DLG2: variants seen among roughly 807,000 people sequenced by gnomAD.
DLG2 encodes disks large homolog 2.
A neutral mutation model predicts 132.5 loss-of-function variants in DLG2; 45 were observed. That is an observed-to-expected ratio of 0.34 (90% CI 0.27 to 0.44). DLG2 has a LOEUF of 0.44. Among genes scored for constraint, DLG2 ranks in the 20% least tolerant of loss-of-function variants. The pLI, the probability that DLG2 is intolerant of heterozygous loss-of-function variation, is 1.00. For synonymous variants in DLG2, 424 were observed against 419.6 expected, an observed-to-expected ratio of 1.01 and a Z score of -0.13; for missense variants, 1,045 against 1,196.9, an observed-to-expected ratio of 0.87 and a Z score of 1.87.
At chr11:84,604,175 G>A (rs2099581474) in intron 6 of DLG2, among the ~76,000 whole-genome samples, 1 of 151,896 alleles carries the variant, frequency 6.6e-6, no homozygotes, top group African/African-American at 2.4e-5. Context: ...TAACTCCTGA[G>A]TCTGTGACCT....
At chr11:85,306,808 G>A (rs1219828974) in intron 3 of DLG2, among the ~76,000 whole-genome samples, 1 of 152,080 alleles carries the variant, frequency 6.6e-6, no homozygotes, top group Non-Finnish European at 1.5e-5. Flanking sequence ...TCCTGACCTC[G>A]TGATCCGCCC....
At chr11:84,354,264 C>G (rs1445414471) in intron 7 of DLG2, among the ~76,000 whole-genome samples, 1 of 152,026 alleles carries the variant, frequency 6.6e-6, no homozygotes, top group Non-Finnish European at 1.5e-5. Context: ...TTAAACTACT[C>G]AATGCATTAT....
chr11:85,033,909 A>G (rs928739504), intron 6 of DLG2, among the ~76,000 whole-genome samples: 3 of 152,142 alleles, frequency 2.0e-5, no homozygotes, highest in Non-Finnish European at 2.9e-5. Flanking sequence ...TGTTAAAAAA[A>G]ATAAAACTTT....
At chr11:84,501,073 A>T (rs770846798) in intron 7 of DLG2, among the ~76,000 whole-genome samples, 1 of 152,206 alleles carries the variant, frequency 6.6e-6, no homozygotes, top group Non-Finnish European at 1.5e-5. Flanking sequence ...TGTTTGACTC[A>T]TAATAGGTTG....
intron 6 of DLG2, among the ~76,000 whole-genome samples, chr11:84,641,497 C>T (rs1434377281): frequency 6.6e-6 from 1 of 152,126 alleles, no homozygotes; most frequent in Non-Finnish European, 1.5e-5. Flanking sequence ...AAGCTCAAAG[C>T]CTAATGATGA....
At chr11:85,573,580 G>C (rs1487950983) in intron 3 of DLG2, among the ~76,000 whole-genome samples, 1 of 152,162 alleles carries the variant, frequency 6.6e-6, no homozygotes, top group Non-Finnish European at 1.5e-5. Context: ...TTTCTGTGGA[G>C]AAATCTTGAC....
chr11:83,548,599 T>C (rs1394996409), intron 19 of DLG2, among the ~76,000 whole-genome samples: 1 of 152,168 alleles, frequency 6.6e-6, no homozygotes, highest in Non-Finnish European at 1.5e-5. Flanking sequence ...GTGCCTGTTA[T>C]TGGCCAGGTT....
chr11:84,923,596 G>T (rs2092865724), intron 6 of DLG2: 1 of 991,112 alleles, frequency 1.0e-6, no homozygotes, highest in Admixed American at 5.8e-5. Context: ...AAATGAAGAG[G>T]AAACCCTTCT....
chr11:84,568,941 T>TC (rs2154527396), intron 6 of DLG2, among the ~76,000 whole-genome samples: 1 of 152,198 alleles, frequency 6.6e-6, no homozygotes, highest in South Asian at 2.1e-4. Context: ...GAACGGTATC[T>TC]CCCCCTAACT....
intron 19 of DLG2, among the ~76,000 whole-genome samples, chr11:83,553,387 A>G (rs539677749): frequency 6.6e-6 from 1 of 152,142 alleles, no homozygotes; most frequent in Non-Finnish European, 1.5e-5. Flanking sequence ...TCAATAAAAC[A>G]TGGTAGAAAC....
At chr11:85,007,050 T>C (rs1173925608) in intron 6 of DLG2, among the ~76,000 whole-genome samples, 1 of 152,164 alleles carries the variant, frequency 6.6e-6, no homozygotes. Context: ...AGTTCATAAA[T>C]CATTTTAGGC....
intron 7 of DLG2, among the ~76,000 whole-genome samples, chr11:84,442,916 A>G (rs778085552): frequency 2.0e-5 from 3 of 152,192 alleles, no homozygotes; most frequent in Admixed American, 1.3e-4. Context: ...TGCATGTTTT[A>G]TCACTATGGA....
At chr11:84,690,612 C>G (rs116221769) in intron 6 of DLG2, among the ~76,000 whole-genome samples, 2,063 of 151,864 alleles carry the variant, frequency 0.014, 46 homozygotes, top group African/African-American at 0.046. Flanking sequence ...TTAATGGCAG[C>G]TATTTATTGA....
intron 3 of DLG2, among the ~76,000 whole-genome samples, chr11:85,583,500 A>G (rs1056546804): frequency 7.2e-5 from 11 of 151,906 alleles, no homozygotes; most frequent in African/African-American, 2.7e-4. Flanking sequence ...AATATATTCT[A>G]TATGGTATAT....
chr11:84,928,100 T>C (rs1041982662), intron 6 of DLG2, among the ~76,000 whole-genome samples: 1 of 151,824 alleles, frequency 6.6e-6, no homozygotes, highest in African/African-American at 2.4e-5. Context: ...AAGAGGAAAG[T>C]ATAGAAAACA....
intron 5 of DLG2, among the ~76,000 whole-genome samples, chr11:85,128,962 T>C (rs2075424253): frequency 1.3e-5 from 2 of 152,280 alleles, no homozygotes; most frequent in African/African-American, 4.8e-5. Context: ...CACTTAGACA[T>C]AGGTAATATA....
intron 6 of DLG2, among the ~76,000 whole-genome samples, chr11:85,087,850 A>AAAAAAAAAAAAAAAAAAAAC (rs2068174989): frequency 6.9e-6 from 1 of 145,048 alleles, no homozygotes; most frequent in Non-Finnish European, 1.5e-5. Context: ...GTCTCAAAAA[A>AAAAAAAAAAAAAAAAAAAAC]AAAAAAAAAA....
intron 3 of DLG2, among the ~76,000 whole-genome samples, chr11:85,578,036 A>G (rs139468231): frequency 4.2e-4 from 64 of 152,272 alleles, no homozygotes; most frequent in African/African-American, 1.5e-3. Context: ...CTGGTATAAA[A>G]ACATACACAC....
chr11:85,114,454 T>G (rs2073241069), intron 5 of DLG2, among the ~76,000 whole-genome samples: 2 of 152,016 alleles, frequency 1.3e-5, no homozygotes, highest in Admixed American at 6.6e-5. Flanking sequence ...CCCACCTTCC[T>G]TCTGTCTCAT....
Sources: gnomAD v4.1 joint callset for allele counts (sites outside exome capture counted in the v4.1 genomes callset) on GRCh38, gnomAD v4.1.1 for gene constraint, MANE v1.5 for transcripts, NCBI Gene and HGNC (gene_info 2026-07-23, HGNC 2026-07-21) for gene names.